CSMD1: variants seen among roughly 807,000 people sequenced by gnomAD.
CSMD1 encodes the protein CUB and sushi domain-containing protein 1.
In CSMD1, 213 loss-of-function variants were observed where a neutral mutation model predicts 417.5. The ratio of observed to expected loss-of-function variants is 0.51; its 90% CI spans 0.46 to 0.57. CSMD1 has a LOEUF of 0.57. CSMD1 is among the 20% of genes least tolerant of loss of function. CSMD1 has a pLI of 0.00. For missense variants in CSMD1, 6,923 were observed against 4,529.7 expected (o/e 1.53, Z -15.17); for synonymous variants, 2,862 against 1,736.8 (o/e 1.65, Z -16.11).
intron 2 of CSMD1, among the ~76,000 whole-genome samples, chr8:4,587,291 T>C (rs1799750927): frequency 6.6e-6 from 1 of 152,160 alleles, no homozygotes; most frequent in Non-Finnish European, 1.5e-5. Flanking sequence ...AAGAGCTTAA[T>C]GTTCTTTTAC....
chr8:3,641,469 C>G (rs1024705735), intron 7 of CSMD1, among the ~76,000 whole-genome samples: 1 of 152,120 alleles, frequency 6.6e-6, no homozygotes, highest in African/African-American at 2.4e-5. Context: ...TGGTTTTTAG[C>G]TGAAAGAACA....
At chr8:4,108,728 T>C (rs1801700189) in intron 3 of CSMD1, among the ~76,000 whole-genome samples, 1 of 151,606 alleles carries the variant, frequency 6.6e-6, no homozygotes, top group Admixed American at 6.5e-5. Flanking sequence ...AGTGTATGCA[T>C]ACCGACTTTT....
chr8:4,437,282 T>G (rs1023642236), intron 2 of CSMD1, among the ~76,000 whole-genome samples: 1 of 152,192 alleles, frequency 6.6e-6, no homozygotes, highest in Non-Finnish European at 1.5e-5. Flanking sequence ...TCCTTTTAAG[T>G]AACTGAAATA....
chr8:4,107,963 G>T (rs913910224), intron 3 of CSMD1, among the ~76,000 whole-genome samples: 2 of 152,096 alleles, frequency 1.3e-5, no homozygotes, highest in South Asian at 4.2e-4. Flanking sequence ...TGCAGTAAAA[G>T]TAGCATTGAC....
chr8:4,742,889 T>C (rs941410442), intron 1 of CSMD1, among the ~76,000 whole-genome samples: 1 of 152,180 alleles, frequency 6.6e-6, no homozygotes, highest in Non-Finnish European at 1.5e-5. Flanking sequence ...GAGACATGTC[T>C]ATCAGAACGG....
intron 1 of CSMD1, among the ~76,000 whole-genome samples, chr8:4,924,780 C>T (rs1213755520): frequency 6.9e-6 from 1 of 144,204 alleles, no homozygotes; most frequent in African/African-American, 2.5e-5. Flanking sequence ...TTTAAAATCA[C>T]TCAAACTTTT....
At chr8:4,952,843 T>C (rs1808842961) in intron 1 of CSMD1, among the ~76,000 whole-genome samples, 1 of 152,190 alleles carries the variant, frequency 6.6e-6, no homozygotes, top group Admixed American at 6.5e-5. Flanking sequence ...TCTGACTATA[T>C]GCAGGTAAGC....
rs187330251 is a variant in CSMD1 at position 4,676,220 on chromosome 8, T to C, written c.86-38662A>G. Among the ~76,000 whole-genome samples the C allele has an allele frequency of 2.7e-3, 404 of 152,330 alleles. 5 individuals carry two copies. Among genetic ancestry groups the C allele is most frequent in the Non-Finnish European group, 2.3e-3 (155 of 68,032 alleles). On this transcript the variant is annotated intron_variant, in intron 1 of 69. Coordinates refer to ENST00000635120, the MANE Select transcript of CSMD1 (RefSeq NM_033225.6). ...TTGAATAGTTTTGTGGTACTTGGGA[T>C]TGAAGATTCTTTAGAGTTGCTCTTC...
At chr8:3,158,849 A>G (rs550970497) in intron 38 of CSMD1, among the ~76,000 whole-genome samples, 1 of 152,150 alleles carries the variant, frequency 6.6e-6, no homozygotes, top group Non-Finnish European at 1.5e-5. Flanking sequence ...CAATTGAAAA[A>G]CAATATCTAA....
At chr8:4,834,335 T>G (rs1429722604) in intron 1 of CSMD1, among the ~76,000 whole-genome samples, 1 of 152,160 alleles carries the variant, frequency 6.6e-6, no homozygotes, top group Non-Finnish European at 1.5e-5. Context: ...AAGATTTACT[T>G]GATGGCAAGA....
chr8:3,108,803 T>A (rs1016614516), intron 43 of CSMD1, 55 bp from the exon 44 acceptor site: 1 of 1,529,752 alleles, frequency 6.5e-7, no homozygotes, highest in Non-Finnish European at 8.8e-7. Flanking sequence ...TGAGTGAGAT[T>A]TATGGAAACT....
chr8:3,536,495 G>T (rs539795855), intron 10 of CSMD1, among the ~76,000 whole-genome samples: 16 of 152,258 alleles, frequency 1.1e-4, no homozygotes, highest in Admixed American at 9.8e-4. Flanking sequence ...TGGGGATTAT[G>T]TTTTTTCCTC....
Position 3,219,439 on chromosome 8 carries a change from G to C in CSMD1, c.4488C>G (p.Phe1496Leu). ...DFVIALIFKSFNMEPSYDFLH... is the reference protein window; with the variant it reads ...DFVIALIFKSLNMEPSYDFLH... Reference sequence around the variant, plus strand: ...GGAAGTCATAGCTGGGCTCCATGTTGAAACTAAAGAAAAGAATAGTAATTA... The same window carrying C: ...GGAAGTCATAGCTGGGCTCCATGTTCAAACTAAAGAAAAGAATAGTAATTA... Residue 1496 changes from phenylalanine to leucine, a missense_variant, in exon 29 of 70, where the codon TTC becomes TTG. Transcript: ENST00000635120. 1 of 1,471,050 alleles carries C rather than the reference G, an allele frequency of 6.8e-7. No homozygotes were observed. The highest frequency in any genetic ancestry group is 9.0e-7 in the Non-Finnish European group (1 of 1,110,058). 91.1% of individuals were successfully genotyped at this position (1,471,050 alleles called of 1,614,324 possible). A position where few individuals can be genotyped will look rare whatever the true frequency, so the allele number is the denominator to read the frequency against.
chr8:4,687,982 T>C (rs145495651), intron 1 of CSMD1, among the ~76,000 whole-genome samples: 1 of 152,346 alleles, frequency 6.6e-6, no homozygotes, highest in Non-Finnish European at 1.5e-5. Context: ...CTTTCACTGC[T>C]TCTTGATTCT....
intron 51 of CSMD1, among the ~76,000 whole-genome samples, chr8:3,024,247 A>AT (rs200328222): frequency 2.3e-5 from 3 of 129,386 alleles, no homozygotes; most frequent in Admixed American, 9.4e-5. Flanking sequence ...GTGTTTATTG[A>AT]TTTTTTTCTT....
chr8:3,774,410 C>A (rs191846009), intron 5 of CSMD1, among the ~76,000 whole-genome samples: 2 of 152,114 alleles, frequency 1.3e-5, no homozygotes, highest in African/African-American at 4.8e-5. Context: ...TCAAAGATGC[C>A]GTCAGCCTGC....
At chr8:4,515,952 A>G (rs950444008) in intron 2 of CSMD1, among the ~76,000 whole-genome samples, 2 of 152,190 alleles carry the variant, frequency 1.3e-5, no homozygotes, top group Admixed American at 6.5e-5. Context: ...CCTGCTTTGC[A>G]TACCCTGCAA....
chr8:4,650,018 T>C (rs554781333), intron 1 of CSMD1, among the ~76,000 whole-genome samples: 1 of 152,238 alleles, frequency 6.6e-6, no homozygotes, highest in South Asian at 2.1e-4. Flanking sequence ...GATATTAGAA[T>C]TTATCATGTC....
intron 26 of CSMD1, among the ~76,000 whole-genome samples, chr8:3,269,324 G>T (rs753161805): frequency 6.6e-6 from 1 of 152,184 alleles, no homozygotes; most frequent in Non-Finnish European, 1.5e-5. Context: ...AGAGGGGAGC[G>T]ATGGCTCCAG....
Sources: gnomAD v4.1 joint callset for allele counts (sites outside exome capture counted in the v4.1 genomes callset) on GRCh38, gnomAD v4.1.1 for gene constraint, MANE v1.5 for transcripts, NCBI Gene and HGNC (gene_info 2026-07-23, HGNC 2026-07-21) for gene names.